Variants in FSIP1 observed in about 807,000 individuals in gnomAD.
FSIP1 encodes the protein fibrous sheath interacting protein 1.
Under a neutral mutation model 60.9 loss-of-function variants are expected in FSIP1, and 65 were observed. The observed-to-expected ratio is 1.07, with a 90% CI of 0.87 to 1.31. FSIP1 has a LOEUF of 1.31. Ranked by LOEUF, FSIP1 falls within the 40% of genes most tolerant of loss-of-function variation. The probability of loss-of-function intolerance (pLI) is 0.00; values close to 1 mark genes in which losing one functional copy is unlikely to be tolerated. For synonymous variants in FSIP1, 209 were observed against 221.2 expected (o/e 0.94, Z 0.49); for missense variants, 675 against 665.5 (o/e 1.01, Z -0.16).
At chr15:39,626,486 C>T (rs1195446582) in intron 10 of FSIP1, among the ~76,000 whole-genome samples, 4 of 152,052 alleles carry the variant, frequency 2.6e-5, no homozygotes, top group African/African-American at 9.7e-5. Context: ...CGTAGGTCAG[C>T]GATATGGTTT....
chr15:39,738,098 C>T lies in FSIP1; in HGVS notation c.884G>A (p.Ser295Asn). Residue 295 changes from serine (S) to asparagine (N), a missense_variant, in exon 8 of 12, where the codon AGT becomes AAT. Transcript: ENST00000350221. Reference sequence around the variant, plus strand: ...CTATCAGAGTTTACGTACCTCAGAACTGGAGAGCCCGGAATCTTTCTCATC... The same window carrying T: ...CTATCAGAGTTTACGTACCTCAGAATTGGAGAGCCCGGAATCTTTCTCATC... ...DLDEKDSGLS[S>N]SEGDQSGWVV... 2 of 1,604,042 alleles carry T rather than the reference C, an allele frequency of 1.2e-6. No individual in the cohort carries two copies. Among genetic ancestry groups the T allele is most frequent in the Non-Finnish European group, 1.7e-6 (2 of 1,172,534 alleles).
At chr15:39,729,939 A>G (rs1231489930) in intron 8 of FSIP1, among the ~76,000 whole-genome samples, 1 of 152,182 alleles carries the variant, frequency 6.6e-6, no homozygotes, top group African/African-American at 2.4e-5. Flanking sequence ...ATTGGGTACT[A>G]TTCTTATTAC....
chr15:39,753,386 C>A (rs1304081833), intron 5 of FSIP1, among the ~76,000 whole-genome samples: 6 of 151,986 alleles, frequency 3.9e-5, no homozygotes, highest in Non-Finnish European at 8.8e-5. Flanking sequence ...CCACCCTCAA[C>A]TTCACCCCCT....
intron 8 of FSIP1, 114 bp downstream of exon 8, chr15:39,737,977 G>A: frequency 1.6e-6 from 1 of 618,376 alleles, no homozygotes; most frequent in Non-Finnish European, 2.7e-6. Flanking sequence ...TAAAATCAAA[G>A]AATAATGTCT....
intron 9 of FSIP1, among the ~76,000 whole-genome samples, chr15:39,719,336 C>T (rs16969701): frequency 0.12 from 18,038 of 152,130 alleles, 1,305 homozygotes; most frequent in African/African-American, 0.2. Context: ...ACAGGAATGC[C>T]TTCATGGAGA....
intron 9 of FSIP1, among the ~76,000 whole-genome samples, chr15:39,723,880 A>G (rs1395081452): frequency 2.0e-5 from 3 of 152,252 alleles, no homozygotes; most frequent in African/African-American, 7.2e-5. Flanking sequence ...ATACTTTGCC[A>G]TGTTAGCATT....
chr15:39,776,128 G>T lies in FSIP1; in HGVS notation c.126+271C>A, dbSNP rs1460564979. The stretch of plus-strand genomic sequence containing the variant: ...AAAAAGAAAGGAAAAAAAGGAAGGT[G>T]GGAGGGAGGGAGGGGAGGAGCAGAG... On this transcript the variant is annotated intron_variant, in intron 2 of 11. Transcript: ENST00000350221. 2.8e-5 allele frequency among the ~76,000 whole-genome samples: 4 copies of T among 140,634 alleles called. No individual in the cohort carries two copies. In the East Asian group the frequency reaches 8.3e-4, roughly 29 times the overall value. The allele number at this position is 140,634 out of a possible 152,430, so 92.3% of individuals were successfully genotyped here.
intron 10 of FSIP1, among the ~76,000 whole-genome samples, chr15:39,675,240 T>C (rs1241562778): frequency 6.6e-6 from 1 of 152,190 alleles, no homozygotes; most frequent in Non-Finnish European, 1.5e-5. Context: ...TGTAAACTGG[T>C]ACAACTACTT....
intron 2 of FSIP1, among the ~76,000 whole-genome samples, chr15:39,773,276 GC>G (rs1897948824): frequency 6.6e-6 from 1 of 152,192 alleles, no homozygotes; most frequent in South Asian, 2.1e-4. Flanking sequence ...TTTGCAATCA[GC>G]AGTCAGCATA....
Position 39,713,562 on chromosome 15 carries a change from T to C in FSIP1, c.1070A>G (p.Glu357Gly), listed in dbSNP as rs910926574. ...RNNQKPDRDG[E>G]RNMEVTPGEK... ...TCCTGGAGTTACTTCCATATTTCTT[T>C]CACCATCACGGTCAGGTTTCTAATT... is the stretch of plus-strand genomic sequence containing the variant. The change falls in exon 10 of 12, where the codon GAA (glutamate) becomes GGA (glycine). Residue 357 changes from glutamate to glycine, a missense_variant. Transcript: ENST00000350221. 3.1e-6 allele frequency: 5 copies of C among 1,595,768 alleles called. No individual in the cohort carries two copies. The highest frequency in any genetic ancestry group is 4.3e-6 in the Non-Finnish European group (5 of 1,174,176).
chr15:39,735,903 CA>C (rs1896589739), intron 8 of FSIP1, among the ~76,000 whole-genome samples: 2 of 152,148 alleles, frequency 1.3e-5, no homozygotes, highest in East Asian at 3.8e-4. Context: ...TCATCAATAT[CA>C]CTGTCTTCCA....
chr15:39,749,978 A>T (rs1178354613), intron 5 of FSIP1, among the ~76,000 whole-genome samples: 1 of 152,066 alleles, frequency 6.6e-6, no homozygotes, highest in Non-Finnish European at 1.5e-5. Context: ...GTAGAGTACA[A>T]AATCAACATA....
intron 10 of FSIP1, among the ~76,000 whole-genome samples, chr15:39,654,354 T>A (rs1003149881): frequency 6.6e-6 from 1 of 152,252 alleles, no homozygotes; most frequent in Non-Finnish European, 1.5e-5. Context: ...AGTAACCTGT[T>A]GTGCTGTGAT....
chr15:39,780,261 C>T (rs1234585486), intron 1 of FSIP1, among the ~76,000 whole-genome samples: 10 of 152,192 alleles, frequency 6.6e-5, no homozygotes, highest in Admixed American at 5.2e-4. Flanking sequence ...CGGTGGCTCA[C>T]GCCTGTAATC....
chr15:39,733,017 C>T (rs1480244861), intron 8 of FSIP1, among the ~76,000 whole-genome samples: 1 of 152,144 alleles, frequency 6.6e-6, no homozygotes, highest in Non-Finnish European at 1.5e-5. Flanking sequence ...AGAGGACTTG[C>T]AGAAAGAACT....
intron 5 of FSIP1, among the ~76,000 whole-genome samples, chr15:39,761,148 T>C (rs142917477): frequency 6.2e-4 from 95 of 152,284 alleles, no homozygotes; most frequent in African/African-American, 1.9e-3. Context: ...ACAGCCATTA[T>C]GGAAAAGTGT....
At chr15:39,697,895 T>A (rs1053270811) in intron 10 of FSIP1, among the ~76,000 whole-genome samples, 17 of 152,270 alleles carry the variant, frequency 1.1e-4, no homozygotes, top group African/African-American at 4.1e-4. Context: ...GACACTTCTA[T>A]GGGACCTCTC....
chr15:39,651,102 G>T (rs1427145015), intron 10 of FSIP1, among the ~76,000 whole-genome samples: 1 of 152,160 alleles, frequency 6.6e-6, no homozygotes, highest in Non-Finnish European at 1.5e-5. Context: ...ATGAACCCAT[G>T]GACATGAACC....
At chr15:39,634,563 A>T (rs956222145) in intron 10 of FSIP1, among the ~76,000 whole-genome samples, 1 of 152,238 alleles carries the variant, frequency 6.6e-6, no homozygotes, top group Admixed American at 6.5e-5. Flanking sequence ...CTATTTGTCA[A>T]TGTAACTTTC....
Sources: allele counts gnomAD v4.1 joint callset (sites outside exome capture counted in the v4.1 genomes callset), GRCh38; gene constraint gnomAD v4.1.1; transcripts MANE v1.5; gene names NCBI Gene and HGNC (gene_info 2026-07-23, HGNC 2026-07-21).